Variants in GRID1 observed in about 807,000 individuals in gnomAD.
GRID1 encodes glutamate ionotropic receptor delta type subunit 1, also known as glutamate receptor ionotropic, delta-1.
GRID1 carries 28 observed loss-of-function variants against 98.0 expected under a neutral mutation model. The observed-to-expected ratio is 0.29, with a 90% CI of 0.21 to 0.39. GRID1 has a LOEUF of 0.39. GRID1 is among the 10% of genes least tolerant of loss of function. The pLI is 1.00. For synonymous variants in GRID1, 553 were observed against 538.5 expected (o/e 1.03, Z -0.37); for missense variants, 1,111 against 1,340.5 (o/e 0.83, Z 2.67).
intron 8 of GRID1, among the ~76,000 whole-genome samples, chr10:85,741,778 G>A (rs1305355251): frequency 6.6e-6 from 1 of 151,698 alleles, no homozygotes; most frequent in Non-Finnish European, 1.5e-5. Flanking sequence ...CCTGATCCAT[G>A]TCTGCCTTTA....
At chr10:85,911,235 C>T (rs1473648747) in intron 5 of GRID1, among the ~76,000 whole-genome samples, 20 of 152,072 alleles carry the variant, frequency 1.3e-4, no homozygotes, top group Non-Finnish European at 1.8e-4. Context: ...AGGATGGGGA[C>T]AGTGGTCTCT....
At chr10:86,120,184 C>G (rs1440183770) in intron 4 of GRID1, among the ~76,000 whole-genome samples, 9 of 152,136 alleles carry the variant, frequency 5.9e-5, no homozygotes, top group African/African-American at 2.2e-4. Context: ...CCTCCACATG[C>G]CTCTTTTGAT....
Position 86,139,036 on chromosome 10 carries a change from G to C in GRID1, c.521-12C>G. The C allele has an allele frequency of 6.3e-7, 1 of 1,595,902 alleles. No homozygotes were observed. Among genetic ancestry groups the C allele is most frequent in the East Asian group, 2.2e-5 (1 of 44,762 alleles). On this transcript the variant is annotated splice_polypyrimidine_tract_variant and intron_variant, in intron 3 of 15. Transcript: ENST00000327946. ...AAGCCCACGGATATCTGAGCAGTGA[G>C]AGAAGAGGAGGAAAAGAAAAATCAT... is the stretch of plus-strand genomic sequence containing the variant.
intron 12 of GRID1, among the ~76,000 whole-genome samples, chr10:85,675,461 C>A (rs962129800): frequency 7.2e-5 from 11 of 152,180 alleles, no homozygotes; most frequent in African/African-American, 2.4e-4. Flanking sequence ...AGAAAGGCTG[C>A]TTTCAGGAAT....
intron 6 of GRID1, among the ~76,000 whole-genome samples, chr10:85,863,944 C>T (rs1042145617): frequency 1.3e-5 from 2 of 152,308 alleles, no homozygotes; most frequent in Admixed American, 6.5e-5. Context: ...AGGCCAGGGT[C>T]AGAACCAGAC....
intron 13 of GRID1, among the ~76,000 whole-genome samples, chr10:85,624,333 A>G (rs1409821288): frequency 6.6e-6 from 1 of 152,230 alleles, no homozygotes; most frequent in Non-Finnish European, 1.5e-5. Flanking sequence ...CTGAATTTCC[A>G]ATCGCTGACT....
At chr10:85,677,968 T>G (rs1841164000) in intron 12 of GRID1, among the ~76,000 whole-genome samples, 1 of 151,988 alleles carries the variant, frequency 6.6e-6, no homozygotes, top group Non-Finnish European at 1.5e-5. Flanking sequence ...AAAGCACCTG[T>G]GTCTACAGAA....
chr10:85,865,912 C>CATATATTTAT (rs1554836172), intron 6 of GRID1, among the ~76,000 whole-genome samples: 7 of 83,108 alleles, frequency 8.4e-5, no homozygotes, highest in African/African-American at 3.9e-4. Context: ...TACATATATA[C>CATATATTTAT]ATATATATAT....
At chr10:86,354,306 C>T (rs560089328) in intron 2 of GRID1, among the ~76,000 whole-genome samples, 12 of 152,378 alleles carry the variant, frequency 7.9e-5, no homozygotes, top group Admixed American at 6.5e-4. Flanking sequence ...AGCACCCAGA[C>T]AGGACCCAGA....
At chr10:85,683,690 T>G (rs1167941467) in intron 12 of GRID1, among the ~76,000 whole-genome samples, 1 of 152,238 alleles carries the variant, frequency 6.6e-6, no homozygotes, top group Non-Finnish European at 1.5e-5. Flanking sequence ...ATAGAAAACT[T>G]AAATATTCCT....
chr10:86,316,877 C>A (rs1847906992), intron 2 of GRID1, among the ~76,000 whole-genome samples: 2 of 152,226 alleles, frequency 1.3e-5, no homozygotes, highest in Non-Finnish European at 2.9e-5. Flanking sequence ...TTATTACAAG[C>A]TAGTGCTTCT....
chr10:86,014,488 C>T (rs761666294), intron 4 of GRID1, among the ~76,000 whole-genome samples: 18 of 152,232 alleles, frequency 1.2e-4, no homozygotes, highest in Non-Finnish European at 2.5e-4. Flanking sequence ...ATGGTCATGC[C>T]TGTTCAGGCC....
At chr10:85,664,646 G>A (rs979184232) in intron 12 of GRID1, among the ~76,000 whole-genome samples, 7 of 152,184 alleles carry the variant, frequency 4.6e-5, no homozygotes, top group Admixed American at 1.3e-4. Context: ...GGGTACCTTG[G>A]AAGTGGCAGT....
At chr10:86,298,452 A>G (rs887178910) in intron 2 of GRID1, among the ~76,000 whole-genome samples, 7 of 152,148 alleles carry the variant, frequency 4.6e-5, no homozygotes, top group African/African-American at 1.4e-4. Context: ...CTTTAGCTAT[A>G]AGGTCAGCCT....
intron 2 of GRID1, among the ~76,000 whole-genome samples, chr10:86,320,010 C>T (rs1208219272): frequency 1.3e-5 from 2 of 152,258 alleles, no homozygotes; most frequent in East Asian, 3.8e-4. Flanking sequence ...CACAGAGCAT[C>T]CTGGGGCCTC....
intron 2 of GRID1, among the ~76,000 whole-genome samples, chr10:86,358,475 A>T (rs1018613687): frequency 1.3e-5 from 2 of 152,026 alleles, no homozygotes; most frequent in South Asian, 2.1e-4. Context: ...TAAAATAGGG[A>T]GGGCCGGGCA....
intron 4 of GRID1, among the ~76,000 whole-genome samples, chr10:86,042,701 T>A (rs1165637477): frequency 6.6e-6 from 1 of 152,190 alleles, no homozygotes; most frequent in Non-Finnish European, 1.5e-5. Flanking sequence ...ATGGCCAAGC[T>A]GTACTCAGAG....
intron 4 of GRID1, among the ~76,000 whole-genome samples, chr10:86,097,774 T>C (rs796739854): frequency 7.2e-5 from 11 of 152,348 alleles, no homozygotes; most frequent in African/African-American, 2.6e-4. Context: ...ACAGTGGTTA[T>C]CTCTGAAGAG....
At chr10:85,915,565 G>T (rs1317219226) in intron 5 of GRID1, among the ~76,000 whole-genome samples, 3 of 150,706 alleles carry the variant, frequency 2.0e-5, no homozygotes, top group Non-Finnish European at 4.4e-5. Context: ...GCACATACCT[G>T]TCACACACTC....
Sources: gnomAD v4.1 joint callset for allele counts (sites outside exome capture counted in the v4.1 genomes callset) on GRCh38, gnomAD v4.1.1 for gene constraint, MANE v1.5 for transcripts, NCBI Gene and HGNC (gene_info 2026-07-23, HGNC 2026-07-21) for gene names.